The following DHX38 variants were observed in gnomAD, a reference collection of about 807,000 sequenced individuals.
The protein encoded by DHX38 is DEAH-box helicase 38.
DHX38 carries 100 observed loss-of-function variants against 153.1 expected under a neutral mutation model. The observed-to-expected ratio is 0.65, with a 90% confidence interval of 0.56 to 0.77. DHX38 has a LOEUF of 0.77. DHX38 is among the 30% of genes least tolerant of loss of function. The pLI is 0.00. For missense variants in DHX38, 1,440 were observed against 1,654.0 expected (o/e 0.87, Z 2.24); for synonymous variants, 650 against 631.7 (o/e 1.03, Z -0.43).
At chr16:72,101,401 T>C in intron 10 of DHX38, 99 bp from the exon 11 acceptor site, 1 of 1,301,222 alleles carries the variant, frequency 7.7e-7, no homozygotes, top group Non-Finnish European at 1.1e-6. Flanking sequence ...TGGGGGAGTT[T>C]ACCACCTGCG....
intron 1 of DHX38, 89 bp downstream of exon 1, chr16:72,094,140 C>T (rs1411235615): frequency 2.0e-5 from 3 of 152,734 alleles, no homozygotes; most frequent in African/African-American, 7.2e-5. Context: ...CAGGTCCGGG[C>T]CCCAGTTTGG....
rs762296425 is a variant in DHX38 at position 72,108,954 on chromosome 16, T to C, written c.3381+29T>C. ...AGTCTTTTCCAAGGCACTTGCATAA[T>C]GCAGGCCCCCTGTCTGGCCAGGCTT... On this transcript the variant is annotated intron_variant, in intron 24 of 26. Coordinates refer to ENST00000268482, the MANE Select transcript of DHX38 (RefSeq NM_014003.4). 3.2e-6 allele frequency: 5 copies of C among 1,566,620 alleles called. No individual in the cohort carries two copies. In the East Asian group the frequency reaches 1.1e-4, roughly 35 times the overall value.
Position 72,105,054 on chromosome 16 carries a change from G to C in DHX38, c.2179G>C (p.Ala727Pro). The stretch of plus-strand genomic sequence containing the variant: ...CCCACAGGAGGATTACGTGGAGGCT[G>C]CAGTGAAGCAGTCCTTGCAGGTGCA... ...KTPQEDYVEA[A>P]VKQSLQVHLS... Residue 727 changes from alanine to proline, a missense_variant, in exon 16 of 27, where the codon GCA (alanine) becomes CCA (proline). Transcript: ENST00000268482. 6.2e-7 allele frequency: 1 copy of C among 1,614,198 alleles called. No individual in the cohort carries two copies. Among genetic ancestry groups the C allele is most frequent in the Non-Finnish European group, 8.5e-7 (1 of 1,180,034 alleles).
chr16:72,096,602 T>G, intron 2 of DHX38, 122 bp downstream of exon 2: 1 of 1,468,236 alleles, frequency 6.8e-7, no homozygotes, highest in Non-Finnish European at 9.0e-7. Flanking sequence ...ATTATGATTC[T>G]GTAATACTGA....
chr16:72,095,622 T>C (rs2042002831), intron 1 of DHX38, among the ~76,000 whole-genome samples: 2 of 152,224 alleles, frequency 1.3e-5, no homozygotes, highest in Admixed American at 1.3e-4. Flanking sequence ...TGTTTGATTC[T>C]CACAATAGCT....
At chr16:72,101,037 C>G in intron 9 of DHX38, 49 bp from the exon 10 acceptor site, 1 of 1,564,042 alleles carries the variant, frequency 6.4e-7, no homozygotes, top group Non-Finnish European at 8.8e-7. Context: ...ATGAACATGG[C>G]CTTCTTGCTG....
chr16:72,109,068 T>G (rs1419585423), intron 24 of DHX38, 143 bp downstream of exon 24: 2 of 1,317,704 alleles, frequency 1.5e-6, no homozygotes, highest in African/African-American at 1.5e-5. Context: ...TGAGGTTGGT[T>G]TTCATTTGGG....
intron 6 of DHX38, 27 bp downstream of exon 6, chr16:72,099,072 A>G: frequency 6.2e-7 from 1 of 1,611,474 alleles, no homozygotes; most frequent in East Asian, 2.2e-5. Context: ...AGCAGGCAGA[A>G]GAGCAGGCTT....
intron 26 of DHX38, among the ~76,000 whole-genome samples, chr16:72,111,438 C>T (rs1014540197): frequency 2.6e-5 from 4 of 152,176 alleles, no homozygotes; most frequent in East Asian, 1.9e-4. Context: ...CTTGACAGGT[C>T]GCAGGCACAG....
At position 72,104,002 on chromosome 16, in the gene DHX38, C is replaced by T. The variant is rs1430449245; in HGVS notation, c.1881C>T (p.Tyr627=). The change falls in exon 14 of 27, where the codon TAC becomes TAT. Residue 627 remains tyrosine, a synonymous_variant. Transcript: ENST00000268482. This position sits in a 1 kb window ranked among gnomAD's most constrained non-coding sequence, Gnocchi z 4.5. ...DCTSENTLIK[Y]MTDGILLRES... The stretch of plus-strand genomic sequence containing the variant: ...CTTCAGAGAACACCTTGATCAAATA[C>T]ATGACTGACGGGATCCTGCTCCGAG... 4 of 1,614,076 alleles carry T rather than the reference C, an allele frequency of 2.5e-6. No individual in the cohort carries two copies. In the South Asian group the frequency reaches 4.4e-5, roughly 18 times the overall value.
At position 72,101,164 on chromosome 16, in the gene DHX38, A is replaced by G; in HGVS notation, c.1357A>G (p.Lys453Glu). The G allele has an allele frequency of 1.2e-6, 2 of 1,614,266 alleles. No homozygotes were observed. Among genetic ancestry groups the G allele is most frequent in the Non-Finnish European group, 1.7e-6 (2 of 1,180,048 alleles). The change falls in exon 10 of 27, where the codon AAG becomes GAG. Residue 453 changes from lysine (K) to glutamate (E), a missense_variant. Physicochemically the swap from Lys to Glu is moderately conservative, Grantham distance 56. Coordinates refer to ENST00000268482, the MANE Select transcript of DHX38 (RefSeq NM_014003.4). ...IARKGSQTVRKHREQKERKKA... is the reference protein window; with the variant it reads ...IARKGSQTVREHREQKERKKA... Reference sequence around the variant, plus strand: ...TCGGAAAGGCAGCCAGACAGTGCGGAAGCACAGGGAGCAGAAGGAGCGCAA... The same window carrying G: ...TCGGAAAGGCAGCCAGACAGTGCGGGAGCACAGGGAGCAGAAGGAGCGCAA...
Position 72,108,879 on chromosome 16 carries a change from A to C in DHX38, c.3335A>C (p.Tyr1112Ser). The change falls in exon 24 of 27, where the codon TAC (tyrosine) becomes TCC (serine). Residue 1112 changes from tyrosine (Y) to serine (S), a missense_variant. Transcript: ENST00000268482. Reference sequence around the variant, plus strand: ...ACCAGCTCCCTTTTTGGAATGGGCTACACCCCAGATTACATAGTGTATCAC... The same window carrying C: ...ACCAGCTCCCTTTTTGGAATGGGCTCCACCCCAGATTACATAGTGTATCAC... Reference protein sequence around the residue: ...HPTSSLFGMGYTPDYIVYHEL... With the variant: ...HPTSSLFGMGSTPDYIVYHEL... The C allele has an allele frequency of 6.2e-7, 1 of 1,613,768 alleles. No homozygotes were observed. The highest frequency in any genetic ancestry group is 8.5e-7 in the Non-Finnish European group (1 of 1,179,888).
At chr16:72,111,907 G>T (rs1412703693) in intron 26 of DHX38, among the ~76,000 whole-genome samples, 1 of 152,208 alleles carries the variant, frequency 6.6e-6, no homozygotes, top group Admixed American at 6.5e-5. Flanking sequence ...CAGAGCACCA[G>T]TGCTAACCCC....
chr16:72,104,733 T>G lies in DHX38; in HGVS notation c.2151+107T>G. 2 of 1,519,298 alleles carry G rather than the reference T, an allele frequency of 1.3e-6. No homozygotes were observed. The highest frequency in any genetic ancestry group is 4.5e-5 in the East Asian group (2 of 44,174). 94.1% of individuals were successfully genotyped at this position (1,519,298 alleles called of 1,614,324 possible). ...GGGTAGGGGACTGGGTTGGAGAAGATTTCCTGGGGACCATGGGGCAAATGG... is the reference window on the plus strand; with the variant it reads ...GGGTAGGGGACTGGGTTGGAGAAGAGTTCCTGGGGACCATGGGGCAAATGG... On this transcript the variant is annotated intron_variant, in intron 15 of 26. Coordinates refer to ENST00000268482, the MANE Select transcript of DHX38 (RefSeq NM_014003.4). This position sits in a 1 kb window ranked among gnomAD's most constrained non-coding sequence, Gnocchi z 4.5.
At chr16:72,097,584 G>A in intron 3 of DHX38, 93 bp from the exon 4 acceptor site, 1 of 1,210,194 alleles carries the variant, frequency 8.3e-7, no homozygotes, top group Admixed American at 2.0e-5. Context: ...TTGCACCTGT[G>A]AGTGAGTGGG....
Position 72,103,142 on chromosome 16 carries a change from A to C in DHX38, c.1568A>C (p.Lys523Thr), listed in dbSNP as rs1756605706. The change falls in exon 12 of 27, where the codon AAG becomes ACG. Residue 523 changes from lysine (K) to threonine (T), a missense_variant. Lys to Thr is a moderately conservative substitution (Grantham distance 78). Around this residue, in one of 6 missense-constraint regions of DHX38, gnomAD observed 241 missense variants for 229.5 expected, o/e 1.05. Coordinates refer to ENST00000268482, the MANE Select transcript of DHX38 (RefSeq NM_014003.4). ...SEASSEFAKKKSILEQRQYLP... is the reference protein window; with the variant it reads ...SEASSEFAKKTSILEQRQYLP... ...GCCAGCAGTGAATTTGCAAAGAAGAAGTCCATCCTGGAGCAGAGGCAGTAC... is the reference window on the plus strand; with the variant it reads ...GCCAGCAGTGAATTTGCAAAGAAGACGTCCATCCTGGAGCAGAGGCAGTAC... The C allele has an allele frequency of 6.2e-7, 1 of 1,614,248 alleles. No individual in the cohort carries two copies. The highest frequency in any genetic ancestry group is 8.5e-7 in the Non-Finnish European group (1 of 1,180,046).
intron 1 of DHX38, among the ~76,000 whole-genome samples, chr16:72,094,890 A>G (rs2041988084): frequency 2.0e-5 from 3 of 152,262 alleles, no homozygotes; most frequent in Admixed American, 2.0e-4. Context: ...TTAGACAACT[A>G]TTGAGTAGAG....
intron 11 of DHX38, among the ~76,000 whole-genome samples, chr16:72,101,929 G>A (rs944060167): frequency 7.9e-5 from 12 of 152,284 alleles, no homozygotes; most frequent in Admixed American, 4.6e-4. Flanking sequence ...GACCCAGGCC[G>A]TCTCACATCA....
chr16:72,105,442 G>T, intron 17 of DHX38, 75 bp from the exon 18 acceptor site: 1 of 1,601,334 alleles, frequency 6.2e-7, no homozygotes, highest in Non-Finnish European at 8.6e-7. Flanking sequence ...GGGCTAGGAG[G>T]TAGGCTTTTC....
Sources: gnomAD v4.1 joint callset for allele counts (sites outside exome capture counted in the v4.1 genomes callset) on GRCh38, gnomAD v4.1.1 for gene constraint, gnomAD v4.1.1 regional missense constraint, Gnocchi (gnomAD v3.1) non-coding constraint, MANE v1.5 for transcripts, NCBI Gene and HGNC (gene_info 2026-07-23, HGNC 2026-07-21) for gene names.